Variants in PNKP observed in about 807,000 individuals in gnomAD.
The protein encoded by PNKP is bifunctional polynucleotide phosphatase/kinase.
PNKP carries 82 observed loss-of-function variants against 66.2 expected under a neutral mutation model. The ratio of observed to expected loss-of-function variants is 1.24; its 90% CI spans 1.04 to 1.49. The LOEUF (loss-of-function observed/expected upper bound fraction) is 1.49. PNKP is among the 40% of genes most tolerant of loss of function. The probability of loss-of-function intolerance (pLI) is 0.00; values close to 1 mark genes in which losing one functional copy is unlikely to be tolerated. For missense variants in PNKP, 907 were observed against 706.8 expected, an observed-to-expected ratio of 1.28 and a Z score of -3.21; for synonymous variants, 412 against 298.9, an observed-to-expected ratio of 1.38 and a Z score of -3.90.
rs772611913 is a variant in PNKP, at chr19:49,862,732, C to A, written c.823G>T (p.Asp275Tyr). The part of the protein sequence containing the change: ...MWDHLQEQAN[D>Y]GTPISIGDSI... ...TCCCCGATGGATATGGGCGTGCCGT[C>A]GTTGGCCTACGGGAGACGGTAGTGA... Residue 275 changes from aspartate to tyrosine, a missense_variant, in exon 9 of 17, where the codon GAC (aspartate) becomes TAC (tyrosine). By Grantham distance (160) the Asp-to-Tyr change is radical. Coordinates refer to ENST00000322344, the MANE Select transcript of PNKP (RefSeq NM_007254.4). The A allele has an allele frequency of 6.2e-7, 1 of 1,613,972 alleles. No individual in the cohort carries two copies. The highest frequency in any genetic ancestry group is 1.3e-5 in the African/African-American group (1 of 74,918).
rs536554196 is a variant in PNKP, at chr19:49,861,211, G to C, written c.*37C>G. 3.8e-5 allele frequency: 54 copies of C among 1,414,974 alleles called. No individual in the cohort carries two copies. Among genetic ancestry groups the C allele is most frequent in the Admixed American group, 8.4e-5 (5 of 59,780 alleles). 87.7% of individuals were successfully genotyped at this position (1,414,974 alleles called of 1,614,324 possible). Reference sequence around the variant, plus strand: ...GCAAAATGCCGGCCAAGCTCAAGGAGAAACAGCGTTTATTGTGGAGGGGAG... The same window carrying C: ...GCAAAATGCCGGCCAAGCTCAAGGACAAACAGCGTTTATTGTGGAGGGGAG... On this transcript the variant is annotated 3_prime_UTR_variant, in exon 17 of 17. Coordinates refer to ENST00000322344, the MANE Select transcript of PNKP (RefSeq NM_007254.4).
chr19:49,861,235 A>C lies in PNKP; in HGVS notation c.*13T>G. The C allele has an allele frequency of 6.6e-7, 1 of 1,516,500 alleles. No homozygotes were observed. Among genetic ancestry groups the C allele is most frequent in the South Asian group, 1.1e-5 (1 of 89,132 alleles). 93.9% of individuals were successfully genotyped at this position (1,516,500 alleles called of 1,614,324 possible). A position where few individuals can be genotyped will look rare whatever the true frequency, so the allele number is the denominator to read the frequency against. On this transcript the variant is annotated 3_prime_UTR_variant, in exon 17 of 17. Coordinates refer to ENST00000322344, the MANE Select transcript of PNKP (RefSeq NM_007254.4). ...AGAAACAGCGTTTATTGTGGAGGGG[A>C]GCTGGGCGGGGCTCAGCCCTCGGAG...
chr19:49,864,391 CA>C lies in PNKP; in HGVS notation c.510del (p.Phe170LeufsTer45), dbSNP rs779428180. ...GTGGTGATGAGCGTCCCGTCCAGAT[CA>C]AAGCCAGCCACCTGGTGTCACCAAG... ...GVKPQGKVAG[F>X]DLDGTLITTR... On this transcript the variant is annotated frameshift_variant, in exon 5 of 17. Coordinates refer to ENST00000322344, the MANE Select transcript of PNKP (RefSeq NM_007254.4). LOFTEE classifies it high-confidence loss of function. 1 of 1,613,716 alleles carries C rather than the reference CA, an allele frequency of 6.2e-7. No homozygotes were observed. The highest frequency in any genetic ancestry group is 8.5e-7 in the Non-Finnish European group (1 of 1,179,678).
At position 49,864,215 on chromosome 19, in the gene PNKP, G is replaced by C. The variant is rs1268947641; in HGVS notation, c.600C>G (p.Pro200=). 1 of 1,614,052 alleles carries C rather than the reference G, an allele frequency of 6.2e-7. No homozygotes were observed. Among genetic ancestry groups the C allele is most frequent in the Admixed American group, 1.7e-5 (1 of 60,006 alleles). Residue 200 remains proline, a synonymous_variant, in exon 6 of 17, where the codon CCC becomes CCG. Coordinates refer to ENST00000322344, the MANE Select transcript of PNKP (RefSeq NM_007254.4). ...SDWRILYPEI[P]RKLRELEAEG... is the part of the protein sequence containing the mutation. ...CGGCTTCCAGCTCTCGGAGCTTACG[G>C]GGAATCTCTGGGTACAAGATCCTAC...
chr19:49,863,366 T>TCACCGCCCTCGC lies in PNKP; in HGVS notation c.816+311_816+322dup, dbSNP rs1358121297. On this transcript the variant is annotated intron_variant, in intron 8 of 16. Coordinates refer to ENST00000322344, the MANE Select transcript of PNKP (RefSeq NM_007254.4). ...CGCCAGTCTGCCCATCCGCCTAGAG[T>TCACCGCCCTCGC]CACCGCCCTCGCCGTGAGGGCCCTG... Among the ~76,000 whole-genome samples, 6 of 152,220 alleles carry TCACCGCCCTCGC rather than the reference T, an allele frequency of 3.9e-5. No individual in the cohort carries two copies. The South Asian group carries it at 8.3e-4, about 21-fold the overall frequency.
In PNKP at chr19:49,862,039, C is replaced by T. The variant is rs1168715083; in HGVS notation, c.1188+5G>A. ...AGATTTGGGGCGGCAAAAGCCTGGTCATACCCTGTTCACGTGGACATATCC... is the reference window on the plus strand; with the variant it reads ...AGATTTGGGGCGGCAAAAGCCTGGTTATACCCTGTTCACGTGGACATATCC... On this transcript the variant is annotated splice_donor_5th_base_variant and intron_variant, in intron 13 of 16. Coordinates refer to ENST00000322344, the MANE Select transcript of PNKP (RefSeq NM_007254.4). The T allele has an allele frequency of 3.7e-6, 6 of 1,614,044 alleles. No homozygotes were observed. The highest frequency in any genetic ancestry group is 3.3e-5 in the Admixed American group (2 of 60,028).
chr19:49,861,785 C>CGGCGTCTGGGTTTGTGTT lies in PNKP; in HGVS notation c.1267_1284dup (p.Asn423_Ala428dup). The stretch of plus-strand genomic sequence containing the variant: ...CGGTCACGCTACCTGGCGCGGCTCG[C>CGGCGTCTGGGTTTGTGTT]GGCGTCTGGGTTTGTGTTGTCGATG... On this transcript the variant is annotated inframe_insertion, in exon 14 of 17. Transcript: ENST00000322344. The CGGCGTCTGGGTTTGTGTT allele has an allele frequency of 6.4e-7, 1 of 1,566,094 alleles. No individual in the cohort carries two copies. Among genetic ancestry groups the CGGCGTCTGGGTTTGTGTT allele is most frequent in the East Asian group, 2.4e-5 (1 of 41,342 alleles).
chr19:49,865,118 G>C lies in PNKP; in HGVS notation c.498+9C>G. On this transcript the variant is annotated intron_variant, in intron 4 of 16. Transcript: ENST00000322344. ...TGGCGGCTCCCTCAGCCCTCGGCGT[G>C]GCCCTCACCTTGCCCTGGGGTTTCA... is the stretch of plus-strand genomic sequence containing the variant. 1 of 1,612,274 alleles carries C rather than the reference G, an allele frequency of 6.2e-7. No individual in the cohort carries two copies. The highest frequency in any genetic ancestry group is 1.1e-5 in the South Asian group (1 of 91,034).
At position 49,861,948 on chromosome 19, in the gene PNKP, G is replaced by A. The variant is rs3739204; in HGVS notation, c.1189-67C>T. On this transcript the variant is annotated intron_variant, in intron 13 of 16. Transcript: ENST00000322344. ...GGGAGAGAAGACCCCGAGCGGGGAC[G>A]GGGAGGCAATGATGGAGGAAAGCCG... 1,220 of 1,581,080 alleles carry A rather than the reference G, an allele frequency of 7.7e-4. 8 individuals carry two copies. In the African/African-American group the frequency reaches 0.013, roughly 17 times the overall value.
At position 49,864,037 on chromosome 19, in the gene PNKP, C is replaced by T. The variant is rs199705876; in HGVS notation, c.671G>A (p.Arg224His). ...GAACTCCTCGGCTGGCAGCTTCCCGCGCCCGATGCTCATCTGGTTGGTGAA... is the reference window on the plus strand; with the variant it reads ...GAACTCCTCGGCTGGCAGCTTCCCGTGCCCGATGCTCATCTGGTTGGTGAA... The part of the protein sequence containing the change: ...VIFTNQMSIG[R>H]GKLPAEEFKA... The change falls in exon 7 of 17, where the codon CGC becomes CAC. Residue 224 changes from arginine to histidine, a missense_variant. By Grantham distance (29) the Arg-to-His change is conservative (BLOSUM62 0). Transcript: ENST00000322344. The T allele has an allele frequency of 5.0e-5, 81 of 1,614,018 alleles. No homozygotes were observed. In the African/African-American group the frequency reaches 7.5e-4, roughly 15 times the overall value.
Position 49,864,412 on chromosome 19 carries a change from A to G in PNKP, c.499-9T>C, listed in dbSNP as rs1220889060. The stretch of plus-strand genomic sequence containing the variant: ...AGATCAAAGCCAGCCACCTGGTGTC[A>G]CCAAGGAAAGACAAACAGCAGCACT... On this transcript the variant is annotated splice_polypyrimidine_tract_variant and intron_variant, in intron 4 of 16. Coordinates refer to ENST00000322344, the MANE Select transcript of PNKP (RefSeq NM_007254.4). 9.3e-6 allele frequency: 15 copies of G among 1,610,004 alleles called. No homozygotes were observed. The highest frequency in any genetic ancestry group is 3.3e-5 in the Admixed American group (2 of 59,992).
At position 49,865,481 on chromosome 19, in the gene PNKP, T is replaced by C. The variant is rs561805106; in HGVS notation, c.199-55A>G. ...GGCTCCGCCCCCACCGGGAGCTTCC[T>C]CCAATCAAATACCCAGCGGAAAAAT... On this transcript the variant is annotated intron_variant, in intron 3 of 16. Coordinates refer to ENST00000322344, the MANE Select transcript of PNKP (RefSeq NM_007254.4). The C allele has an allele frequency of 1.6e-5, 21 of 1,305,112 alleles. No homozygotes were observed. In the East Asian group the frequency reaches 2.3e-4, roughly 14 times the overall value. 80.8% of individuals were successfully genotyped at this position (1,305,112 alleles called of 1,614,324 possible).
chr19:49,862,593 G>C lies in PNKP; in HGVS notation c.881C>G (p.Pro294Arg). The part of the protein sequence containing the change: ...SIFVGDAAGR[P>R]ANWAPGRKKK... Reference sequence around the variant, plus strand: ...CTTCCGCCCCGGGGCCCAGTTGGCCGGGCGTCCGGCTGCGTCTGGAACACA... The same window carrying C: ...CTTCCGCCCCGGGGCCCAGTTGGCCCGGCGTCCGGCTGCGTCTGGAACACA... The change falls in exon 10 of 17, where the codon CCG (proline) becomes CGG (arginine). Residue 294 changes from proline to arginine, a missense_variant. Pro to Arg is a moderately radical substitution (Grantham distance 103). Transcript: ENST00000322344. 1 of 1,613,504 alleles carries C rather than the reference G, an allele frequency of 6.2e-7. No individual in the cohort carries two copies. The highest frequency in any genetic ancestry group is 8.5e-7 in the Non-Finnish European group (1 of 1,179,724).
intron 2 of PNKP, 177 bp downstream of exon 2, chr19:49,866,877 A>T: frequency 1.4e-6 from 1 of 704,200 alleles, no homozygotes; most frequent in Non-Finnish European, 2.6e-6. Context: ...TCTCCCCCAA[A>T]GGATCTAGCT....
rs2074753438 is a variant in PNKP, at chr19:49,861,302, C to G, written c.1512G>C (p.Arg504=). 3.1e-6 allele frequency: 5 copies of G among 1,613,984 alleles called. No individual in the cohort carries two copies. In the South Asian group the frequency reaches 4.4e-5, roughly 14 times the overall value. ...GCCCCAGCCTCGGCTCCACCCATAG[C>G]CGGAACGGGATCTCCAGGATGGCAG... is the stretch of plus-strand genomic sequence containing the variant. ...GFSAILEIPF[R]LWVEPRLGRL... Residue 504 remains arginine, a synonymous_variant, in exon 17 of 17, where the codon CGG becomes CGC. Transcript: ENST00000322344.
intron 8 of PNKP, among the ~76,000 whole-genome samples, chr19:49,863,099 C>A (rs1405664618): frequency 6.6e-6 from 1 of 152,246 alleles, no homozygotes; most frequent in East Asian, 1.9e-4. Flanking sequence ...TCCCCTCCCT[C>A]GCTTAGAGCC....
intron 1 of PNKP, 75 bp from the exon 2 acceptor site, chr19:49,867,292 C>T: frequency 1.1e-5 from 16 of 1,431,636 alleles, no homozygotes; most frequent in Non-Finnish European, 1.5e-5. Context: ...CCTCCCACAT[C>T]CACTAGAAAG....
chr19:49,862,814 C>T lies in PNKP; in HGVS notation c.817-76G>A, dbSNP rs1028968604. On this transcript the variant is annotated intron_variant, in intron 8 of 16. Transcript: ENST00000322344. ...CGGTAGCGGGTCCCTGGGGCTGCTT[C>T]GCCTGGTCTGTGCCCCACATCAGGA... 2.9e-5 allele frequency: 43 copies of T among 1,491,260 alleles called. 1 individual carries two copies. The Admixed American group carries it at 5.8e-4, about 20-fold the overall frequency. 92.4% of individuals were successfully genotyped at this position (1,491,260 alleles called of 1,614,324 possible). A position where few individuals can be genotyped will look rare whatever the true frequency, so the allele number is the denominator to read the frequency against.
intron 4 of PNKP, 140 bp downstream of exon 4, chr19:49,864,987 G>T: frequency 1.4e-6 from 1 of 694,024 alleles, no homozygotes. Context: ...CTGCTTAACT[G>T]CTTACAACGA....
Sources: gnomAD v4.1 joint callset for allele counts (sites outside exome capture counted in the v4.1 genomes callset) on GRCh38, gnomAD v4.1.1 for gene constraint, MANE v1.5 for transcripts, NCBI Gene and HGNC (gene_info 2026-07-23, HGNC 2026-07-21) for gene names.